The following RILPL1 variants were observed in gnomAD, a reference collection of about 807,000 sequenced individuals.
RILPL1 encodes the protein Rab interacting lysosomal protein like 1, also known as RILP-like protein 1.
A neutral mutation model predicts 50.3 loss-of-function variants in RILPL1; 33 were observed. The ratio of observed to expected loss-of-function variants is 0.66; its 90% confidence interval spans 0.50 to 0.88. The LOEUF (loss-of-function observed/expected upper bound fraction) is 0.88. Among genes scored for constraint, RILPL1 ranks in the 40% least tolerant of loss-of-function variants. The pLI, the probability that RILPL1 is intolerant of heterozygous loss-of-function variation, is 0.00. For synonymous variants in RILPL1, 205 were observed against 228.6 expected (o/e 0.90, Z 0.93); for missense variants, 418 against 542.5 (o/e 0.77, Z 2.28).
At chr12:123,503,186 C>CTTTTTTTTTTTTTTTTTTT in intron 2 of RILPL1, among the ~76,000 whole-genome samples, 1 of 80,742 alleles carries the variant, frequency 1.2e-5, no homozygotes, top group Non-Finnish European at 2.3e-5. Context: ...CACGCCTGGC[C>CTTTTTTTTTTTTTTTTTTT]TTTTTTTTTT....
At position 123,489,873 on chromosome 12, in the gene RILPL1, G is replaced by A. The variant is rs1012895025; in HGVS notation, c.802-4068C>T. ...GTGCTGCTGGCCCACATTTTGTTTG[G>A]CCTTCACTGTGTTCTAAAACTCTGT... is the stretch of plus-strand genomic sequence containing the variant. On this transcript the variant is annotated intron_variant, in intron 4 of 6. Coordinates refer to ENST00000376874, the MANE Select transcript of RILPL1 (RefSeq NM_178314.5). The surrounding 1 kb of genome is among the most constrained non-coding windows in gnomAD (Gnocchi z 4.0). Among the ~76,000 whole-genome samples the A allele has an allele frequency of 6.6e-6, 1 of 152,138 alleles. No individual in the cohort carries two copies. The highest frequency in any genetic ancestry group is 2.4e-5 in the African/African-American group (1 of 41,430).
chr12:123,483,906 C>G (rs1297425035), intron 6 of RILPL1, among the ~76,000 whole-genome samples: 1 of 152,112 alleles, frequency 6.6e-6, no homozygotes, highest in African/African-American at 2.4e-5. Context: ...CCCCATGAAA[C>G]ACACTCCAGC....
intron 2 of RILPL1, among the ~76,000 whole-genome samples, chr12:123,520,440 T>C (rs1593601004): frequency 6.6e-6 from 1 of 152,182 alleles, no homozygotes; most frequent in East Asian, 1.9e-4. Context: ...ACACCTGTAG[T>C]CGTAGCTACT....
In RILPL1 at chr12:123,485,828, T is replaced by C; in HGVS notation, c.802-23A>G. The C allele has an allele frequency of 6.3e-7, 1 of 1,581,320 alleles. No individual in the cohort carries two copies. Among genetic ancestry groups the C allele is most frequent in the Non-Finnish European group, 8.6e-7 (1 of 1,165,292 alleles). ...CGTCTGGAGGAGGCAGAGATGCTGC[T>C]AATGAATTCTTGGCAGCCACTGCCA... On this transcript the variant is annotated intron_variant, in intron 4 of 6. Transcript: ENST00000376874. This position sits in a 1 kb window ranked among gnomAD's most constrained non-coding sequence, Gnocchi z 4.0.
intron 6 of RILPL1, among the ~76,000 whole-genome samples, chr12:123,481,850 C>A (rs1566114851): frequency 1.3e-5 from 2 of 151,838 alleles, no homozygotes; most frequent in Non-Finnish European, 2.9e-5. Context: ...AGCCACCGAG[C>A]CCAGCCCCAA....
intron 4 of RILPL1, among the ~76,000 whole-genome samples, chr12:123,490,946 C>T (rs547234771): frequency 2.0e-5 from 3 of 152,156 alleles, no homozygotes; most frequent in South Asian, 2.1e-4. Context: ...GATGGGCTTT[C>T]GCCATGTTGG....
chr12:123,507,399 C>T (rs969725370), intron 2 of RILPL1, among the ~76,000 whole-genome samples: 2 of 151,582 alleles, frequency 1.3e-5, no homozygotes, highest in Admixed American at 1.3e-4. Context: ...CTCGTCTCTA[C>T]AAAAAATTAA....
chr12:123,518,479 C>A (rs530516162), intron 2 of RILPL1: 5 of 176,230 alleles, frequency 2.8e-5, no homozygotes, highest in Middle Eastern at 8.7e-4. Flanking sequence ...TGCACTCCAG[C>A]GTTGAAGACA....
intron 2 of RILPL1, 98 bp from the exon 3 acceptor site, chr12:123,499,634 C>T (rs969591846): frequency 2.1e-5 from 18 of 865,052 alleles, no homozygotes; most frequent in East Asian, 1.0e-4. Context: ...TCTTAGTGGC[C>T]CCCCGGCCTC....
intron 2 of RILPL1, among the ~76,000 whole-genome samples, chr12:123,510,831 TGTGTGTGAGGTCTGTGTGTGTGTG>T (rs1192723647): frequency 8.1e-5 from 10 of 123,734 alleles, no homozygotes; most frequent in Admixed American, 4.8e-4. Flanking sequence ...CTGTGTATGG[TGTGTGTGAGGTCTGTGTGTGTGTG>T]GTGTGTGAGG....
chr12:123,523,780 G>GCCA, intron 1 of RILPL1, 135 bp from the exon 2 acceptor site: 1 of 944,418 alleles, frequency 1.1e-6, no homozygotes, highest in Non-Finnish European at 1.6e-6. Flanking sequence ...GGCCGGCAAG[G>GCCA]CCACCACGAG....
At chr12:123,530,991 A>C (rs956910386) in intron 1 of RILPL1, among the ~76,000 whole-genome samples, 1 of 135,406 alleles carries the variant, frequency 7.4e-6, no homozygotes, top group African/African-American at 2.5e-5. Flanking sequence ...GAGAGAGACA[A>C]GGAAGAAGGG....
intron 1 of RILPL1, among the ~76,000 whole-genome samples, chr12:123,526,809 T>C (rs1349050346): frequency 1.3e-5 from 2 of 152,158 alleles, no homozygotes; most frequent in African/African-American, 4.8e-5. Context: ...AGAGGGAATG[T>C]TGACCTCCCA....
chr12:123,471,433 G>C lies in RILPL1; in HGVS notation c.*1105C>G, dbSNP rs1231760391. On this transcript the variant is annotated 3_prime_UTR_variant, in exon 7 of 7. Transcript: ENST00000376874. ...TTTAGAACGCGGCCCTGATAAACTTGAGTGCTGGTAGGAGGTGCTACCTCG... is the reference window on the plus strand; with the variant it reads ...TTTAGAACGCGGCCCTGATAAACTTCAGTGCTGGTAGGAGGTGCTACCTCG... 1.3e-5 allele frequency: 2 copies of C among 152,228 alleles called. No homozygotes were observed. The highest frequency in any genetic ancestry group is 2.9e-5 in the Non-Finnish European group (2 of 68,074). The allele number at this position is 152,228 out of a possible 1,614,324, so 9.4% of individuals were successfully genotyped here. A position where few individuals can be genotyped will look rare whatever the true frequency, so the allele number is the denominator to read the frequency against.
intron 2 of RILPL1, among the ~76,000 whole-genome samples, chr12:123,521,758 C>T (rs1338510403): frequency 1.4e-5 from 2 of 140,844 alleles, no homozygotes; most frequent in East Asian, 2.0e-4. Flanking sequence ...TATATATATA[C>T]ACACATATAT....
In RILPL1 at chr12:123,533,192, C is replaced by G; in HGVS notation, c.291G>C (p.Lys97Asn). 3.2e-6 allele frequency: 5 copies of G among 1,566,822 alleles called. No individual in the cohort carries two copies. Among genetic ancestry groups the G allele is most frequent in the Non-Finnish European group, 3.4e-6 (4 of 1,160,238 alleles). Residue 97 changes from lysine to asparagine, a missense_variant, in exon 1 of 7, where the codon AAG (lysine) becomes AAC (asparagine). Coordinates refer to ENST00000376874, the MANE Select transcript of RILPL1 (RefSeq NM_178314.5). This position sits in a 1 kb window ranked among gnomAD's most constrained non-coding sequence, Gnocchi z 6.2. ...LRLERMDRIEKERKHQKELEL... is the reference protein window; with the variant it reads ...LRLERMDRIENERKHQKELEL... Reference sequence around the variant, plus strand: ...CGCCCACCTTCTGGTGCTTGCGCTCCTTCTCGATGCGGTCCATCCTCTCCA... The same window carrying G: ...CGCCCACCTTCTGGTGCTTGCGCTCGTTCTCGATGCGGTCCATCCTCTCCA...
At chr12:123,484,347 G>C in intron 5 of RILPL1, 75 bp from the exon 6 acceptor site, 1 of 973,604 alleles carries the variant, frequency 1.0e-6, no homozygotes, top group Non-Finnish European at 1.6e-6. Flanking sequence ...GAAGAGAAGT[G>C]TCTGATGGTC....
At chr12:123,484,440 C>T (rs1386782434) in intron 5 of RILPL1, among the ~76,000 whole-genome samples, 168 bp from the exon 6 acceptor site, 1 of 152,090 alleles carries the variant, frequency 6.6e-6, no homozygotes, top group Admixed American at 6.6e-5. Flanking sequence ...AACCACTCCC[C>T]GTTTCCTGTC....
Position 123,499,783 on chromosome 12 carries a change from C to T in RILPL1, c.461-247G>A, listed in dbSNP as rs539895073. Reference sequence around the variant, plus strand: ...CCCATCAGTCCCTTCCTTCTCATCTCCCTGTGGCTGGCGCGCTTCATTTTT... The same window carrying T: ...CCCATCAGTCCCTTCCTTCTCATCTTCCTGTGGCTGGCGCGCTTCATTTTT... On this transcript the variant is annotated intron_variant, in intron 2 of 6. Coordinates refer to ENST00000376874, the MANE Select transcript of RILPL1 (RefSeq NM_178314.5). 9.2e-5 allele frequency among the ~76,000 whole-genome samples: 14 copies of T among 152,228 alleles called. No individual in the cohort carries two copies. In the South Asian group the frequency reaches 2.9e-3, roughly 32 times the overall value.
Sources: gnomAD v4.1 joint callset for allele counts (sites outside exome capture counted in the v4.1 genomes callset) on GRCh38, gnomAD v4.1.1 for gene constraint, Gnocchi (gnomAD v3.1) non-coding constraint, MANE v1.5 for transcripts, NCBI Gene and HGNC (gene_info 2026-07-23, HGNC 2026-07-21) for gene names.